The following CATSPER2 variants were observed in gnomAD, a reference collection of about 807,000 sequenced individuals.
The protein encoded by CATSPER2 is cation channel sperm-associated protein 2.
In CATSPER2, 56 loss-of-function variants were observed where a neutral mutation model predicts 68.8. The observed-to-expected ratio is 0.81, with a 90% CI of 0.66 to 1.02. The LOEUF (loss-of-function observed/expected upper bound fraction) is 1.02, where lower values mean the gene tolerates loss of function less well. Ranked by LOEUF, CATSPER2 falls within the 50% of genes least tolerant of loss-of-function variation. The pLI, the probability that CATSPER2 is intolerant of heterozygous loss-of-function variation, is 0.00. For synonymous variants in CATSPER2, 198 were observed against 229.9 expected (o/e 0.86, Z 1.26); for missense variants, 582 against 642.0 (o/e 0.91, Z 1.01).
At chr15:43,647,862 A>G in intron 2 of CATSPER2, 55 bp downstream of exon 2, 2 of 1,575,230 alleles carry the variant, frequency 1.3e-6, no homozygotes, top group Non-Finnish European at 1.7e-6. Context: ...TCTTAAATGT[A>G]GAGGATGTGG....
chr15:43,640,322 A>C lies in CATSPER2; in HGVS notation c.561+2T>G. On this transcript the variant is annotated splice_donor_variant, in intron 5 of 12. Coordinates refer to ENST00000396879, the MANE Select transcript of CATSPER2 (RefSeq NM_172095.4). LOFTEE classifies it high-confidence loss of function. ...ACGAACCCTCAGGATCTCTATCCTT[A>C]CCAACATGGTAACAACAAAGTCAAA... 1 of 1,611,088 alleles carries C rather than the reference A, an allele frequency of 6.2e-7. No homozygotes were observed. Among genetic ancestry groups the C allele is most frequent in the Non-Finnish European group, 8.5e-7 (1 of 1,177,858 alleles).
rs147058893 is a variant in CATSPER2, at chr15:43,635,384, G to A, written c.1154C>T (p.Ser385Leu). Residue 385 changes from serine to leucine, a missense_variant, in exon 10 of 13, where the codon TCA becomes TTA. Ser to Leu is a moderately radical substitution (Grantham distance 145, BLOSUM62 -2). Transcript: ENST00000396879. ...CCTGTCCTCTATTTTGCTATGGCTT[G>A]ACGTCAGTGCTTCATGTGACATGTT... ...RKNMSHEALT[S>L]SHSKIEDSSR... The A allele has an allele frequency of 5.2e-4, 842 of 1,609,476 alleles. 8 individuals are homozygous for A. Among genetic ancestry groups the A allele is most frequent in the Admixed American group, 1.8e-3 (110 of 59,810 alleles).
rs1014725454 is a variant in CATSPER2 at position 43,638,449 on chromosome 15, T to G, written c.842+455A>C. ...GACTACAGGCGCCTGCCACCACGGC[T>G]GGCTAATTTTTGTATTTTTGGTAGA... On this transcript the variant is annotated intron_variant, in intron 7 of 12. Coordinates refer to ENST00000396879, the MANE Select transcript of CATSPER2 (RefSeq NM_172095.4). Among the ~76,000 whole-genome samples the G allele has an allele frequency of 2.0e-5, 3 of 151,370 alleles. No individual in the cohort carries two copies. The East Asian group carries it at 5.8e-4, about 29-fold the overall frequency.
intron 4 of CATSPER2, among the ~76,000 whole-genome samples, chr15:43,641,273 C>T (rs2086069338): frequency 6.6e-6 from 1 of 151,608 alleles, no homozygotes; most frequent in Non-Finnish European, 1.5e-5. Flanking sequence ...TGCACCACCA[C>T]ACCCGGCTAA....
intron 4 of CATSPER2, among the ~76,000 whole-genome samples, chr15:43,645,789 T>A (rs985944383): frequency 7.2e-5 from 11 of 151,862 alleles, no homozygotes; most frequent in Non-Finnish European, 1.3e-4. Flanking sequence ...TGAGACTCTG[T>A]CTCTAAAACA....
In CATSPER2 at chr15:43,635,812, T is replaced by C; in HGVS notation, c.1036A>G (p.Asn346Asp). ...IVAMMVTNFQ[N>D]IRKELNEEMA... ...TCCTCATTCAGCTCTTTCCTGATAT[T>C]CTGAAAGTTAGTAACTGCCCCAAAG... Residue 346 changes from asparagine to aspartate, a missense_variant, in exon 9 of 13, where the codon AAT (asparagine) becomes GAT (aspartate). Physicochemically the swap from Asn to Asp is conservative, Grantham distance 23. Around this residue, in one of 5 missense-constraint regions of CATSPER2, gnomAD observed 235 missense variants for 264.2 expected, o/e 0.89. Transcript: ENST00000396879. 1 of 1,613,304 alleles carries C rather than the reference T, an allele frequency of 6.2e-7. No homozygotes were observed. Among genetic ancestry groups the C allele is most frequent in the Non-Finnish European group, 8.5e-7 (1 of 1,179,688 alleles).
intron 4 of CATSPER2, among the ~76,000 whole-genome samples, chr15:43,646,345 C>T (rs1235014315): frequency 6.6e-6 from 1 of 151,266 alleles, no homozygotes; most frequent in Non-Finnish European, 1.5e-5. Context: ...ACTGCAACCT[C>T]GGCTTCCCAC....
At position 43,647,445 on chromosome 15, in the gene CATSPER2, A is replaced by G; in HGVS notation, c.168T>C (p.Leu56=). ...ELLDPSRQKK[L]VLGDQHQLVR... ...CTAGCTGGTGTTGATCTCCCAATAC[A>G]AGTTTCTTCTGGCGGGAAGGATCTA... The change falls in exon 3 of 13, where the codon CTT becomes CTC. Residue 56 remains leucine (L), a synonymous_variant. Transcript: ENST00000396879. 1 of 1,612,384 alleles carries G rather than the reference A, an allele frequency of 6.2e-7. No homozygotes were observed. Among genetic ancestry groups the G allele is most frequent in the Non-Finnish European group, 8.5e-7 (1 of 1,179,238 alleles).
At chr15:43,646,258 A>G (rs2086161412) in intron 4 of CATSPER2, among the ~76,000 whole-genome samples, 1 of 150,812 alleles carries the variant, frequency 6.6e-6, no homozygotes, top group Non-Finnish European at 1.5e-5. Context: ...CTCTGTATCT[A>G]GTATACTCTT....
chr15:43,643,346 ATTTC>A (rs1028825244), intron 4 of CATSPER2, among the ~76,000 whole-genome samples: 8 of 151,650 alleles, frequency 5.3e-5, no homozygotes, highest in Admixed American at 2.6e-4. Context: ...TTGAAACATA[ATTTC>A]TTTCTTTTTT....
chr15:43,644,720 G>A lies in CATSPER2; in HGVS notation c.388+2330C>T, dbSNP rs557311181. Among the ~76,000 whole-genome samples the A allele has an allele frequency of 4.8e-4, 73 of 152,052 alleles. 3 individuals carry two copies. The South Asian group carries it at 7.3e-3, about 15-fold the overall frequency. On this transcript the variant is annotated intron_variant, in intron 4 of 12. Coordinates refer to ENST00000396879, the MANE Select transcript of CATSPER2 (RefSeq NM_172095.4). ...ATGCCTGATGATCTGAGGTGGAACA[G>A]CTTCATCCTGAAACCTCCCTCCTAC...
intron 1 of CATSPER2, among the ~76,000 whole-genome samples, 194 bp from the exon 2 acceptor site, chr15:43,648,257 A>AAG (rs1184553412): frequency 3.9e-5 from 6 of 151,988 alleles, no homozygotes; most frequent in Admixed American, 2.0e-4. Flanking sequence ...AAAAGGGGCT[A>AAG]AGTGGTAAAG....
At chr15:43,648,133 G>T in intron 1 of CATSPER2, 70 bp from the exon 2 acceptor site, 1 of 1,550,890 alleles carries the variant, frequency 6.4e-7, no homozygotes, top group Non-Finnish European at 8.9e-7. Flanking sequence ...CAGGTTTTCT[G>T]TCCCCTCCTC....
At chr15:43,646,937 C>G (rs2086176704) in intron 4 of CATSPER2, 113 bp downstream of exon 4, 2 of 900,222 alleles carry the variant, frequency 2.2e-6, no homozygotes, top group Non-Finnish European at 3.7e-6. Flanking sequence ...GGCTGGTCTC[C>G]AACTCCTGAG....
chr15:43,631,536 T>C, intron 12 of CATSPER2: 1 of 387,694 alleles, frequency 2.6e-6, no homozygotes, highest in South Asian at 2.1e-5. Flanking sequence ...GCCTTTTTTT[T>C]TCCTTTTAGA....
chr15:43,643,241 C>T lies in CATSPER2; in HGVS notation c.389-2745G>A, dbSNP rs937720572. On this transcript the variant is annotated intron_variant, in intron 4 of 12. Transcript: ENST00000396879. Reference sequence around the variant, plus strand: ...AGGTGAGGAGAATAGTACACTGCAACAAACTGATATGTAGATGTTGACATT... The same window carrying T: ...AGGTGAGGAGAATAGTACACTGCAATAAACTGATATGTAGATGTTGACATT... 8.6e-5 allele frequency among the ~76,000 whole-genome samples: 13 copies of T among 151,964 alleles called. 1 individual carries two copies. The highest frequency in any genetic ancestry group is 3.1e-4 in the African/African-American group (13 of 41,372).
In CATSPER2 at chr15:43,631,647, A is replaced by G. The variant is rs1373413501; in HGVS notation, c.1561+552T>C. 8.6e-5 allele frequency: 22 copies of G among 255,200 alleles called. No individual in the cohort carries two copies. In the Admixed American group the frequency reaches 1.0e-3, roughly 12 times the overall value. The allele number at this position is 255,200 out of a possible 1,614,324, so 15.8% of individuals were successfully genotyped here. A position where few individuals can be genotyped will look rare whatever the true frequency, so the allele number is the denominator to read the frequency against. On this transcript the variant is annotated intron_variant, in intron 12 of 12. Coordinates refer to ENST00000396879, the MANE Select transcript of CATSPER2 (RefSeq NM_172095.4). ...GTTTACATCAAACTCTACTATTTAAATCACATATTTATCTTTATAGAGGCT... is the reference window on the plus strand; with the variant it reads ...GTTTACATCAAACTCTACTATTTAAGTCACATATTTATCTTTATAGAGGCT...
rs1392851987 is a variant in CATSPER2, at chr15:43,646,901, G to A, written c.388+149C>T. On this transcript the variant is annotated intron_variant, in intron 4 of 12. Transcript: ENST00000396879. ...GGCTAATTTTTTGTATTTTTTAGTA[G>A]AGACAGGGTTTCACCATGTTGCCCA... 5.7e-6 allele frequency: 4 copies of A among 700,172 alleles called. No homozygotes were observed. In the African/African-American group the frequency reaches 7.2e-5, roughly 13 times the overall value. The allele number at this position is 700,172 out of a possible 1,614,324, so 43.4% of individuals were successfully genotyped here.
chr15:43,638,286 C>CTTTCTTTTTTTTTT (rs1354288133), intron 7 of CATSPER2, among the ~76,000 whole-genome samples: 9 of 81,836 alleles, frequency 1.1e-4, no homozygotes, highest in East Asian at 4.0e-4. Context: ...TTCTTTCTTT[C>CTTTCTTTTTTTTTT]TTTTTTTTTT....
Sources: gnomAD v4.1 joint callset for allele counts (sites outside exome capture counted in the v4.1 genomes callset) on GRCh38, gnomAD v4.1.1 for gene constraint, gnomAD v4.1.1 regional missense constraint, MANE v1.5 for transcripts, NCBI Gene and HGNC (gene_info 2026-07-23, HGNC 2026-07-21) for gene names.